NLGN1: variants seen among roughly 807,000 people sequenced by gnomAD.
NLGN1 encodes neuroligin-1.
NLGN1 carries 12 observed loss-of-function variants against 65.5 expected under a neutral mutation model. That is an observed-to-expected ratio of 0.18 (90% CI 0.12 to 0.30). The LOEUF (loss-of-function observed/expected upper bound fraction) is 0.30, where lower values mean the gene tolerates loss of function less well. Among genes scored for constraint, NLGN1 ranks in the 10% least tolerant of loss-of-function variants. NLGN1 has a pLI of 1.00. For missense variants in NLGN1, 750 were observed against 1,007.1 expected (o/e 0.74, Z 3.46); for synonymous variants, 350 against 359.5 (o/e 0.97, Z 0.30).
chr3:173,758,168 G>A (rs533174503), intron 3 of NLGN1, among the ~76,000 whole-genome samples: 1 of 152,114 alleles, frequency 6.6e-6, no homozygotes, highest in East Asian at 1.9e-4. Flanking sequence ...GCTATGTGAG[G>A]ACACAGGAAG....
intron 4 of NLGN1, among the ~76,000 whole-genome samples, chr3:174,133,629 G>T (rs1720628960): frequency 6.6e-6 from 1 of 152,100 alleles, no homozygotes; most frequent in Non-Finnish European, 1.5e-5. Flanking sequence ...GTAGGTCAGA[G>T]CTCCTTGTCT....
chr3:173,769,022 G>A (rs1430748654), intron 3 of NLGN1, among the ~76,000 whole-genome samples: 1 of 152,052 alleles, frequency 6.6e-6, no homozygotes, highest in African/African-American at 2.4e-5. Context: ...CACCCTATCA[G>A]CCTCCCAAAC....
At chr3:173,976,212 A>G (rs7653302) in intron 4 of NLGN1, among the ~76,000 whole-genome samples, 2,989 of 152,106 alleles carry the variant, frequency 0.02, 95 homozygotes, top group African/African-American at 0.068. Flanking sequence ...AAAATTTTGC[A>G]TATATTTTTG....
At chr3:174,265,178 C>T (rs1747797884) in intron 4 of NLGN1, among the ~76,000 whole-genome samples, 1 of 151,742 alleles carries the variant, frequency 6.6e-6, no homozygotes, top group African/African-American at 2.4e-5. Context: ...CAGAGGCAGG[C>T]AGGCCTCCTT....
At position 173,489,067 on chromosome 3, in the gene NLGN1, C is replaced by T. The variant is rs187369141; in HGVS notation, c.-321+53989C>T. ...CTCCTTTCTCAGCCTTTTTCTTTTTCTGCTTACTTTTTTTTTCTTTTTTTA... is the reference window on the plus strand; with the variant it reads ...CTCCTTTCTCAGCCTTTTTCTTTTTTTGCTTACTTTTTTTTTCTTTTTTTA... On this transcript the variant is annotated intron_variant, in intron 2 of 6. Transcript: ENST00000457714. Among the ~76,000 whole-genome samples the T allele has an allele frequency of 8.4e-3, 1,265 of 151,450 alleles. 19 individuals are homozygous for T. Among genetic ancestry groups the T allele is most frequent in the African/African-American group, 0.03 (1,227 of 41,324 alleles).
At chr3:174,172,576 C>T (rs1056741185) in intron 4 of NLGN1, among the ~76,000 whole-genome samples, 2 of 152,046 alleles carry the variant, frequency 1.3e-5, no homozygotes, top group Non-Finnish European at 2.9e-5. Context: ...AAGAGTCTGT[C>T]CTTTCCCCAG....
chr3:174,076,775 G>T (rs1741096774), intron 4 of NLGN1, among the ~76,000 whole-genome samples: 1 of 151,080 alleles, frequency 6.6e-6, no homozygotes, highest in Non-Finnish European at 1.5e-5. Context: ...ATCCTCACAT[G>T]TGTGTATGTA....
At chr3:174,077,274 G>C (rs1013771805) in intron 4 of NLGN1, among the ~76,000 whole-genome samples, 2 of 151,762 alleles carry the variant, frequency 1.3e-5, no homozygotes, top group Non-Finnish European at 2.9e-5. Context: ...TACTTAGAAA[G>C]TAATGCTCCC....
chr3:173,553,731 A>G (rs1741255089), intron 2 of NLGN1, among the ~76,000 whole-genome samples: 1 of 152,250 alleles, frequency 6.6e-6, no homozygotes, highest in East Asian at 1.9e-4. Flanking sequence ...AGGTTTAACA[A>G]CTAATAAGAA....
chr3:173,846,340 T>A (rs13094774), intron 4 of NLGN1, among the ~76,000 whole-genome samples: 25,505 of 151,928 alleles, frequency 0.17, 2,533 homozygotes, highest in East Asian at 0.32. Context: ...CAGGGCTCAG[T>A]GCTTTTGTAT....
At chr3:174,253,521 C>T (rs2152845554) in intron 4 of NLGN1, among the ~76,000 whole-genome samples, 1 of 152,256 alleles carries the variant, frequency 6.6e-6, no homozygotes, top group East Asian at 1.9e-4. Flanking sequence ...AATAGCTAAT[C>T]ACTTGGCAGC....
At chr3:173,992,664 A>G (rs1721371989) in intron 4 of NLGN1, among the ~76,000 whole-genome samples, 1 of 152,188 alleles carries the variant, frequency 6.6e-6, no homozygotes, top group African/African-American at 2.4e-5. Flanking sequence ...GCTGAACTGT[A>G]AGTGAGTAGT....
chr3:173,401,199 C>A (rs574012895), intron 1 of NLGN1, among the ~76,000 whole-genome samples: 1 of 152,172 alleles, frequency 6.6e-6, no homozygotes, highest in African/African-American at 2.4e-5. Context: ...TCCTTGGCCT[C>A]TATCCACCAG....
At chr3:174,048,986 CAA>C (rs1560920630) in intron 4 of NLGN1, among the ~76,000 whole-genome samples, 1 of 151,732 alleles carries the variant, frequency 6.6e-6, no homozygotes, top group Non-Finnish European at 1.5e-5. Flanking sequence ...CAAAGATAAA[CAA>C]AAATTTCTGC....
At chr3:173,655,950 C>T (rs1460135432) in intron 3 of NLGN1, among the ~76,000 whole-genome samples, 1 of 152,062 alleles carries the variant, frequency 6.6e-6, no homozygotes, top group Non-Finnish European at 1.5e-5. Context: ...AATGAAAGTA[C>T]ACTCCACAGA....
In NLGN1 at chr3:173,779,496, T is replaced by G. The variant is rs188894212; in HGVS notation, c.494-28184T>G. 1.4e-3 allele frequency among the ~76,000 whole-genome samples: 217 copies of G among 152,186 alleles called. 1 individual carries two copies. Among genetic ancestry groups the G allele is most frequent in the African/African-American group, 4.9e-3 (205 of 41,562 alleles). On this transcript the variant is annotated intron_variant, in intron 3 of 6. Coordinates refer to ENST00000457714, the Ensembl canonical transcript of NLGN1. ...TGGTTTTTACTCTCCCTTATTTATT[T>G]AACAAAATTTTACGGAGTCCTGTAA...
In NLGN1 at chr3:173,435,489, G is replaced by A. The variant is rs372771385; in HGVS notation, c.-321+411G>A. ...ACATATATGAAAATCTTATGTTCAC[G>A]GAAGCGTTATGTTGTGATATTTATA... On this transcript the variant is annotated intron_variant, in intron 2 of 6. Coordinates refer to ENST00000457714, the Ensembl canonical transcript of NLGN1. Among the ~76,000 whole-genome samples the A allele has an allele frequency of 1.4e-4, 22 of 152,028 alleles. 1 individual carries two copies. The highest frequency in any genetic ancestry group is 4.1e-4 in the African/African-American group (17 of 41,476).
chr3:173,517,477 T>C (rs1316580379), intron 2 of NLGN1, among the ~76,000 whole-genome samples: 6 of 152,098 alleles, frequency 3.9e-5, no homozygotes, highest in African/African-American at 1.4e-4. Flanking sequence ...CCACTACTCA[T>C]TGATAAAATT....
rs181992050 is a variant in NLGN1, at chr3:173,679,708, T to C, written c.493+74617T>C. On this transcript the variant is annotated intron_variant, in intron 3 of 6. Transcript: ENST00000457714. ...CAGGAAGGAAAGACTTTTTCAAGAG[T>C]GAGTTAATTCTATTTTGAACTTTGA... Among the ~76,000 whole-genome samples the C allele has an allele frequency of 2.0e-3, 311 of 152,008 alleles. 4 individuals carry two copies. Among genetic ancestry groups the C allele is most frequent in the African/African-American group, 7.1e-3 (294 of 41,484 alleles).
Sources: allele counts gnomAD v4.1 joint callset (sites outside exome capture counted in the v4.1 genomes callset), GRCh38; gene constraint gnomAD v4.1.1; transcripts MANE v1.5; gene names NCBI Gene and HGNC (gene_info 2026-07-23, HGNC 2026-07-21).